The following RAB3GAP1 variants were observed in gnomAD, a reference collection of about 807,000 sequenced individuals.
The protein encoded by RAB3GAP1 is rab3 GTPase-activating protein catalytic subunit.
Under a neutral mutation model 130.7 loss-of-function variants are expected in RAB3GAP1, and 86 were observed. The observed-to-expected ratio is 0.66, with a 90% CI of 0.55 to 0.79. The LOEUF is 0.79. Among genes scored for constraint, RAB3GAP1 ranks in the 30% least tolerant of loss-of-function variants. RAB3GAP1 has a pLI of 0.00. For missense variants in RAB3GAP1, 1,029 were observed against 1,169.4 expected, an observed-to-expected ratio of 0.88 and a Z score of 1.75; for synonymous variants, 367 against 401.7, an observed-to-expected ratio of 0.91 and a Z score of 1.03.
intron 7 of RAB3GAP1, among the ~76,000 whole-genome samples, chr2:135,119,686 CTA>C (rs914723511): frequency 2.0e-5 from 3 of 152,164 alleles, no homozygotes; most frequent in Admixed American, 6.5e-5. Context: ...CTTAAAGCTA[CTA>C]GTGACATTTA....
At chr2:135,089,856 T>C in intron 3 of RAB3GAP1, 1 of 400,446 alleles carries the variant, frequency 2.5e-6, no homozygotes. Context: ...AAATGCTGCA[T>C]GTTCTCACTC....
At chr2:135,119,094 C>CCCTTCCTT (rs1284684747) in intron 7 of RAB3GAP1, among the ~76,000 whole-genome samples, 1 of 118,756 alleles carries the variant, frequency 8.4e-6, no homozygotes, top group African/African-American at 3.3e-5. Flanking sequence ...CTCCCTCCCT[C>CCCTTCCTT]CCTTCCTTCC....
At chr2:135,137,642 TAAAGAA>T (rs920094198) in intron 17 of RAB3GAP1, among the ~76,000 whole-genome samples, 1 of 152,046 alleles carries the variant, frequency 6.6e-6, no homozygotes, top group African/African-American at 2.4e-5. Context: ...TTTATTGACT[TAAAGAA>T]AAAGAAAAAA....
chr2:135,121,851 G>GGGAGGCCA (rs1389251046), intron 8 of RAB3GAP1, among the ~76,000 whole-genome samples: 2 of 152,150 alleles, frequency 1.3e-5, no homozygotes, highest in African/African-American at 4.8e-5. Context: ...CTAGCCCTTT[G>GGGAGGCCA]GGAGGCCAAG....
chr2:135,059,808 G>C (rs576145950), intron 3 of RAB3GAP1, among the ~76,000 whole-genome samples: 1 of 152,226 alleles, frequency 6.6e-6, no homozygotes, highest in South Asian at 2.1e-4. Context: ...CATAGCTCCA[G>C]TCTGTTTCTC....
At position 135,052,485 on chromosome 2, in the gene RAB3GAP1, G is replaced by C; in HGVS notation, c.74G>C (p.Arg25Thr). The C allele has an allele frequency of 6.2e-7, 1 of 1,613,600 alleles. No homozygotes were observed. The highest frequency in any genetic ancestry group is 8.5e-7 in the Non-Finnish European group (1 of 1,180,034). ...TTCACCACTGCCTCGGAATGGGAAA[G>C]GTGAGTGAATCGCATTTTTGGTTAC... ...TDFTTASEWE[R>T]FISKVEEVLN... The change falls in exon 2 of 24, where the codon AGG (arginine) becomes ACG (threonine). Residue 25 changes from arginine to threonine, a missense_variant and splice_region_variant. Arg to Thr is a moderately conservative substitution (Grantham distance 71). This residue lies in a region of RAB3GAP1 where 510 missense variants were observed against 532.1 expected (regional missense o/e 0.96). Coordinates refer to ENST00000264158, the MANE Select transcript of RAB3GAP1 (RefSeq NM_012233.3).
rs1691617258 is a variant in RAB3GAP1, at chr2:135,134,017, A to G, written c.1483A>G (p.Asn495Asp). The part of the protein sequence containing the change: ...VLEMRFRWEN[N>D]FLIPGLASGP... ...TGAAATGCGTTTCCGATGGGAAAAC[A>G]ACTTTCTGATTCCAGGGTAATAATT... is the stretch of plus-strand genomic sequence containing the variant. Residue 495 changes from asparagine (N) to aspartate (D), a missense_variant, in exon 15 of 24, where the codon AAC becomes GAC. Physicochemically the swap from Asn to Asp is conservative, Grantham distance 23. This residue lies in a region of RAB3GAP1 where 373 missense variants were observed against 493.6 expected (regional missense o/e 0.76). Coordinates refer to ENST00000264158, the MANE Select transcript of RAB3GAP1 (RefSeq NM_012233.3). 1 of 1,613,764 alleles carries G rather than the reference A, an allele frequency of 6.2e-7. No homozygotes were observed. Among genetic ancestry groups the G allele is most frequent in the Non-Finnish European group, 8.5e-7 (1 of 1,179,798 alleles).
At chr2:135,146,837 C>T (rs1389934028) in intron 17 of RAB3GAP1, among the ~76,000 whole-genome samples, 1 of 151,730 alleles carries the variant, frequency 6.6e-6, no homozygotes, top group East Asian at 1.9e-4. Context: ...TAGTCGTATT[C>T]CCTTGCATGG....
chr2:135,110,237 A>G (rs995098785), intron 5 of RAB3GAP1, among the ~76,000 whole-genome samples: 1 of 151,486 alleles, frequency 6.6e-6, no homozygotes, highest in African/African-American at 2.4e-5. Context: ...GGCCTCAAGC[A>G]GTTCTCCCAC....
At position 135,142,874 on chromosome 2, in the gene RAB3GAP1, C is replaced by T. The variant is rs373046875; in HGVS notation, c.1923+6942C>T. Reference sequence around the variant, plus strand: ...CCCACTTGGGCTTTCCCTTTTTATACAGCTGGAGTTTATTTTTTTTTTTTT... The same window carrying T: ...CCCACTTGGGCTTTCCCTTTTTATATAGCTGGAGTTTATTTTTTTTTTTTT... On this transcript the variant is annotated intron_variant, in intron 17 of 23. Transcript: ENST00000264158. Among the ~76,000 whole-genome samples the T allele has an allele frequency of 9.3e-5, 14 of 151,326 alleles. No homozygotes were observed. The South Asian group carries it at 2.1e-3, about 23-fold the overall frequency.
intron 5 of RAB3GAP1, among the ~76,000 whole-genome samples, chr2:135,110,845 G>C (rs1574119454): frequency 6.6e-6 from 1 of 152,182 alleles, no homozygotes; most frequent in East Asian, 1.9e-4. Flanking sequence ...TTGAGGGTAG[G>C]GTGGTTACGC....
chr2:135,153,856 G>A lies in RAB3GAP1; in HGVS notation c.2269G>A (p.Asp757Asn). The A allele has an allele frequency of 6.2e-7, 1 of 1,613,754 alleles. No homozygotes were observed. Among genetic ancestry groups the A allele is most frequent in the Non-Finnish European group, 8.5e-7 (1 of 1,179,718 alleles). ...TAGAAGGCAAAGGAGACTCTTTGAT[G>A]ATACACGGGAAGCAGAAAAGGTAAT... ...PARRQRRLFD[D>N]TREAEKVLHY... The change falls in exon 19 of 24, where the codon GAT (aspartate) becomes AAT (asparagine). Residue 757 changes from aspartate (D) to asparagine (N), a missense_variant. This residue lies in a region of RAB3GAP1 where 373 missense variants were observed against 493.6 expected (regional missense o/e 0.76). Coordinates refer to ENST00000264158, the MANE Select transcript of RAB3GAP1 (RefSeq NM_012233.3).
chr2:135,072,432 T>C (rs1483543314), intron 3 of RAB3GAP1, among the ~76,000 whole-genome samples: 2 of 152,220 alleles, frequency 1.3e-5, no homozygotes, highest in Non-Finnish European at 2.9e-5. Flanking sequence ...AAAAAACCTT[T>C]TGCAGTGTGA....
intron 5 of RAB3GAP1, among the ~76,000 whole-genome samples, chr2:135,104,756 G>C (rs1690544356): frequency 6.6e-6 from 1 of 152,030 alleles, no homozygotes; most frequent in South Asian, 2.1e-4. Context: ...GGGTGTGGTG[G>C]TATGTGCCCA....
chr2:135,132,740 A>G (rs533576660), intron 13 of RAB3GAP1, among the ~76,000 whole-genome samples, 155 bp from the exon 14 acceptor site: 2 of 152,330 alleles, frequency 1.3e-5, no homozygotes, highest in South Asian at 4.1e-4. Context: ...AAAAAATTTG[A>G]GAGTGTAGAA....
chr2:135,109,718 A>T (rs1297968924), intron 5 of RAB3GAP1, among the ~76,000 whole-genome samples: 1 of 151,776 alleles, frequency 6.6e-6, no homozygotes, highest in Non-Finnish European at 1.5e-5. Context: ...AGTAGCTGGG[A>T]CTACAGGCGC....
chr2:135,098,516 T>C (rs1690362915), intron 5 of RAB3GAP1, among the ~76,000 whole-genome samples: 1 of 152,192 alleles, frequency 6.6e-6, no homozygotes, highest in Non-Finnish European at 1.5e-5. Flanking sequence ...CTTTCTCCTA[T>C]TAAAAAATTA....
At chr2:135,166,897 A>G (rs4954224) in intron 23 of RAB3GAP1, among the ~76,000 whole-genome samples, 14,124 of 152,194 alleles carry the variant, frequency 0.093, 905 homozygotes, top group South Asian at 0.24. Flanking sequence ...CTGAAATTGT[A>G]CATCCATCTA....
chr2:135,071,673 T>C (rs981567190), intron 3 of RAB3GAP1, among the ~76,000 whole-genome samples: 4 of 152,196 alleles, frequency 2.6e-5, no homozygotes, highest in Non-Finnish European at 5.9e-5. Flanking sequence ...GAGGTTATGT[T>C]CCTGGGGCTA....
Sources: gnomAD v4.1 joint callset for allele counts (sites outside exome capture counted in the v4.1 genomes callset) on GRCh38, gnomAD v4.1.1 for gene constraint, gnomAD v4.1.1 regional missense constraint, MANE v1.5 for transcripts, NCBI Gene and HGNC (gene_info 2026-07-23, HGNC 2026-07-21) for gene names.